The following TSNARE1 variants were observed in gnomAD, a reference collection of about 807,000 sequenced individuals.
TSNARE1 encodes the protein t-SNARE domain-containing protein 1.
A neutral mutation model predicts 62.0 loss-of-function variants in TSNARE1; 49 were observed. That is an observed-to-expected ratio of 0.79 (90% CI 0.63 to 1.00). The LOEUF (loss-of-function observed/expected upper bound fraction) is 1.00. Among genes scored for constraint, TSNARE1 ranks in the 50% least tolerant of loss-of-function variants. TSNARE1 has a pLI of 0.00. For missense variants in TSNARE1, 755 were observed against 700.1 expected (o/e 1.08, Z -0.88); for synonymous variants, 328 against 294.4 (o/e 1.11, Z -1.17).
At chr8:142,400,334 T>C (rs1348701191) in intron 1 of TSNARE1, among the ~76,000 whole-genome samples, 3 of 151,724 alleles carry the variant, frequency 2.0e-5, no homozygotes, top group Admixed American at 2.0e-4. Context: ...TAATCCCAGC[T>C]ACTCGGAAGG....
chr8:142,327,775 A>G (rs951458588), intron 6 of TSNARE1, among the ~76,000 whole-genome samples: 10 of 152,218 alleles, frequency 6.6e-5, no homozygotes, highest in Non-Finnish European at 1.5e-4. Flanking sequence ...ATCGTCATCC[A>G]AGGCTCCTTG....
intron 8 of TSNARE1, 93 bp from the exon 9 acceptor site, chr8:142,314,533 G>A (rs903384267): frequency 7.1e-6 from 8 of 1,119,724 alleles, no homozygotes; most frequent in Middle Eastern, 2.1e-4. Flanking sequence ...GGCTCTGGAC[G>A]ACGGTGCAGC....
rs776678274 is a variant in TSNARE1 at position 142,314,985 on chromosome 8, C to T, written c.1074+18G>A. ...CCACCTGGCCTGCAGACCCCCACTGCCCCCACCAGCACCTCACCTTCTGCA... is the reference window on the plus strand; with the variant it reads ...CCACCTGGCCTGCAGACCCCCACTGTCCCCACCAGCACCTCACCTTCTGCA... On this transcript the variant is annotated intron_variant, in intron 8 of 13. Coordinates refer to ENST00000524325, the MANE Select transcript of TSNARE1 (RefSeq NM_145003.5). 2 of 1,613,360 alleles carry T rather than the reference C, an allele frequency of 1.2e-6. No individual in the cohort carries two copies. Among genetic ancestry groups the T allele is most frequent in the South Asian group, 1.1e-5 (1 of 91,064 alleles).
rs1231152054 is a variant in TSNARE1 at position 142,331,800 on chromosome 8, C to G, written c.777G>C (p.Glu259Asp). ...CGTTGGCCGACATCTCCTGGAACAGCTCCTGGAGGTTGCACGGATCGACCT... is the reference window on the plus strand; with the variant it reads ...CGTTGGCCGACATCTCCTGGAACAGGTCCTGGAGGTTGCACGGATCGACCT... Reference protein sequence around the residue: ...ATQVDPCNLQELFQEMSANVF... With the variant: ...ATQVDPCNLQDLFQEMSANVF... The change falls in exon 5 of 14, where the codon GAG (glutamate) becomes GAC (aspartate). Residue 259 changes from glutamate (E) to aspartate (D), a missense_variant. Transcript: ENST00000524325. 1.2e-6 allele frequency: 2 copies of G among 1,608,776 alleles called. No homozygotes were observed. Among genetic ancestry groups the G allele is most frequent in the Non-Finnish European group, 1.7e-6 (2 of 1,177,784 alleles).
intron 1 of TSNARE1, among the ~76,000 whole-genome samples, chr8:142,397,577 A>T (rs1837981400): frequency 6.6e-6 from 1 of 152,150 alleles, no homozygotes; most frequent in South Asian, 2.1e-4. Flanking sequence ...CCACAGGGCA[A>T]ATCAGAGGGA....
chr8:142,368,770 T>C (rs1475580441), intron 1 of TSNARE1, among the ~76,000 whole-genome samples: 1 of 152,010 alleles, frequency 6.6e-6, no homozygotes, highest in Non-Finnish European at 1.5e-5. Context: ...CCCTCTCCCC[T>C]GAAGAATAAA....
At chr8:142,338,338 T>C (rs1298968019) in intron 4 of TSNARE1, among the ~76,000 whole-genome samples, 1 of 152,222 alleles carries the variant, frequency 6.6e-6, no homozygotes, top group Non-Finnish European at 1.5e-5. Flanking sequence ...TGCTCTTCAC[T>C]GAACCAGGTC....
At chr8:142,379,354 T>C (rs1836567847) in intron 1 of TSNARE1, among the ~76,000 whole-genome samples, 1 of 152,304 alleles carries the variant, frequency 6.6e-6, no homozygotes, top group East Asian at 1.9e-4. Context: ...GCAGCAGCTC[T>C]GCACTCGTGC....
chr8:142,348,362 C>T (rs1237477341), intron 2 of TSNARE1, among the ~76,000 whole-genome samples: 1 of 152,190 alleles, frequency 6.6e-6, no homozygotes, highest in Non-Finnish European at 1.5e-5. Context: ...ATTTCTGAGT[C>T]AGCACTCGCA....
At chr8:142,265,556 C>G (rs571867550) in intron 12 of TSNARE1, among the ~76,000 whole-genome samples, 3 of 152,314 alleles carry the variant, frequency 2.0e-5, no homozygotes, top group African/African-American at 4.8e-5. Context: ...CGATGAACAT[C>G]TGTGTGCAAG....
chr8:142,340,577 C>T (rs529959529), intron 4 of TSNARE1, among the ~76,000 whole-genome samples: 16 of 152,212 alleles, frequency 1.1e-4, no homozygotes, highest in Admixed American at 3.3e-4. Context: ...AAGGGTGAAA[C>T]GACAAACTTT....
At chr8:142,253,204 G>A (rs1302456457) in intron 12 of TSNARE1, among the ~76,000 whole-genome samples, 1 of 152,236 alleles carries the variant, frequency 6.6e-6, no homozygotes, top group Admixed American at 6.5e-5. Context: ...GGGTACGGGA[G>A]GAGGGCCGGT....
At chr8:142,286,598 T>C (rs1441170545) in intron 10 of TSNARE1, among the ~76,000 whole-genome samples, 1 of 152,104 alleles carries the variant, frequency 6.6e-6, no homozygotes, top group East Asian at 1.9e-4. Flanking sequence ...TGGGTGCGGG[T>C]TGGCCCGGGC....
intron 6 of TSNARE1, among the ~76,000 whole-genome samples, chr8:142,330,079 A>C (rs890570586): frequency 4.6e-5 from 7 of 152,334 alleles, no homozygotes; most frequent in Middle Eastern, 3.4e-3. Flanking sequence ...GAGTGCGAGG[A>C]CAACGTCCCA....
intron 11 of TSNARE1, among the ~76,000 whole-genome samples, chr8:142,281,615 T>TAGGGTC: frequency 6.6e-6 from 1 of 152,072 alleles, no homozygotes; most frequent in African/African-American, 2.4e-5. Context: ...ACCCCAGGGT[T>TAGGGTC]AGGGTCAGGG....
intron 13 of TSNARE1, among the ~76,000 whole-genome samples, chr8:142,227,838 C>T (rs1586788339): frequency 6.6e-6 from 1 of 152,236 alleles, no homozygotes; most frequent in African/African-American, 2.4e-5. Flanking sequence ...CCTCAGGAGG[C>T]TACAGGATAA....
intron 6 of TSNARE1, among the ~76,000 whole-genome samples, chr8:142,330,652 G>A (rs529235858): frequency 3.9e-5 from 6 of 152,358 alleles, no homozygotes; most frequent in Admixed American, 6.5e-5. Flanking sequence ...GGGCTTCTAC[G>A]TCGGGGCGGG....
intron 12 of TSNARE1, among the ~76,000 whole-genome samples, chr8:142,239,783 T>C (rs1307953178): frequency 9.2e-5 from 14 of 152,190 alleles, no homozygotes; most frequent in Admixed American, 8.5e-4. Flanking sequence ...TGTCGGCTCC[T>C]CCTGATGCTA....
At chr8:142,294,513 C>G (rs560905192) in intron 10 of TSNARE1, among the ~76,000 whole-genome samples, 2 of 152,144 alleles carry the variant, frequency 1.3e-5, no homozygotes, top group Admixed American at 1.3e-4. Flanking sequence ...GGGCTCCTGG[C>G]GGCAGCTGGC....
Sources: gnomAD v4.1 joint callset for allele counts (sites outside exome capture counted in the v4.1 genomes callset) on GRCh38, gnomAD v4.1.1 for gene constraint, MANE v1.5 for transcripts, NCBI Gene and HGNC (gene_info 2026-07-23, HGNC 2026-07-21) for gene names.